CYTH1: variants seen among roughly 807,000 people sequenced by gnomAD.
CYTH1 encodes cytohesin 1, also known as cytohesin-1.
Under a neutral mutation model 61.8 loss-of-function variants are expected in CYTH1, and 18 were observed. The observed-to-expected ratio is 0.29, with a 90% CI of 0.20 to 0.43. CYTH1 has a LOEUF of 0.43. CYTH1 is among the 20% of genes least tolerant of loss of function. The pLI is 1.00. For missense variants in CYTH1, 336 were observed against 510.5 expected (o/e 0.66, Z 3.29); for synonymous variants, 174 against 184.3 (o/e 0.94, Z 0.45).
intron 13 of CYTH1, among the ~76,000 whole-genome samples, chr17:78,679,636 G>A (rs2092736888): frequency 6.6e-6 from 1 of 152,230 alleles, no homozygotes; most frequent in African/African-American, 2.4e-5. Context: ...GGAGCCAACA[G>A]AGCCGAGAGG....
chr17:78,737,870 T>C lies in CYTH1; in HGVS notation c.23-28138A>G, dbSNP rs551707819. 4.8e-4 allele frequency among the ~76,000 whole-genome samples: 44 copies of C among 91,646 alleles called. 1 individual carries two copies. The East Asian group carries it at 0.011, about 23-fold the overall frequency. The allele number at this position is 91,646 out of a possible 152,430, so 60.1% of individuals were successfully genotyped here. A position where few individuals can be genotyped will look rare whatever the true frequency, so the allele number is the denominator to read the frequency against. ...TTATATATATTCTCTCTCTCTTCTA[T>C]AGATACACACACACACACACACACA... On this transcript the variant is annotated intron_variant, in intron 1 of 13. Coordinates refer to ENST00000446868, the MANE Select transcript of CYTH1 (RefSeq NM_004762.6).
intron 12 of CYTH1, 33 bp downstream of exon 12, chr17:78,680,938 C>A: frequency 6.2e-7 from 1 of 1,607,566 alleles, no homozygotes; most frequent in Non-Finnish European, 8.5e-7. Context: ...CATCCCCTTT[C>A]TCCCCTCAAA....
chr17:78,758,503 G>A (rs1355084633), intron 1 of CYTH1, among the ~76,000 whole-genome samples: 3 of 152,140 alleles, frequency 2.0e-5, no homozygotes, highest in Non-Finnish European at 2.9e-5. Flanking sequence ...TCAGGAGTTC[G>A]AGACCAGCCT....
chr17:78,725,799 G>A (rs1219066184), intron 1 of CYTH1, among the ~76,000 whole-genome samples: 2 of 152,186 alleles, frequency 1.3e-5, no homozygotes, highest in African/African-American at 4.8e-5. Flanking sequence ...CAGACAACAT[G>A]AGAAAAGGAT....
intron 1 of CYTH1, among the ~76,000 whole-genome samples, chr17:78,746,674 G>A (rs1395549483): frequency 5.9e-5 from 9 of 152,180 alleles, no homozygotes; most frequent in Non-Finnish European, 1.3e-4. Context: ...AGGTGTGATG[G>A]CTCGTGCCTA....
chr17:78,711,713 T>G (rs1424338992), intron 1 of CYTH1, among the ~76,000 whole-genome samples: 2 of 152,116 alleles, frequency 1.3e-5, no homozygotes, highest in Non-Finnish European at 2.9e-5. Context: ...TTCCTTTTTT[T>G]TTTTTTTTAA....
chr17:78,768,706 A>G (rs908952945), intron 1 of CYTH1, among the ~76,000 whole-genome samples: 1 of 151,972 alleles, frequency 6.6e-6, no homozygotes, highest in Non-Finnish European at 1.5e-5. Flanking sequence ...CCTATCTCCA[A>G]AAATTCCTTA....
chr17:78,749,349 A>T (rs2093370702), intron 1 of CYTH1, among the ~76,000 whole-genome samples: 1 of 152,134 alleles, frequency 6.6e-6, no homozygotes, highest in East Asian at 1.9e-4. Context: ...AATCCCAGCT[A>T]CTCGGGAGGC....
At chr17:78,742,505 T>A (rs551614039) in intron 1 of CYTH1, among the ~76,000 whole-genome samples, 7 of 152,044 alleles carry the variant, frequency 4.6e-5, no homozygotes, top group African/African-American at 1.7e-4. Context: ...GAAGCCACAG[T>A]GAGCTATGAT....
At chr17:78,770,350 G>GAAAA (rs1410403374) in intron 1 of CYTH1, among the ~76,000 whole-genome samples, 1 of 95,066 alleles carries the variant, frequency 1.1e-5, no homozygotes, top group African/African-American at 3.7e-5. Flanking sequence ...GAAAAGAAAA[G>GAAAA]AAAAGAAAAA....
At chr17:78,710,538 G>A (rs1039765575) in intron 1 of CYTH1, among the ~76,000 whole-genome samples, 3 of 152,170 alleles carry the variant, frequency 2.0e-5, no homozygotes, top group Non-Finnish European at 4.4e-5. Context: ...AGCCATGTGG[G>A]CAAATGAGAA....
At chr17:78,707,824 G>C (rs1231086113) in intron 3 of CYTH1, among the ~76,000 whole-genome samples, 1 of 152,116 alleles carries the variant, frequency 6.6e-6, no homozygotes, top group East Asian at 1.9e-4. Context: ...GGGACTACAG[G>C]TGTGCACCAC....
At chr17:78,697,861 G>C (rs2092957591) in intron 9 of CYTH1, among the ~76,000 whole-genome samples, 1 of 152,184 alleles carries the variant, frequency 6.6e-6, no homozygotes. Flanking sequence ...AGGTGCTCAG[G>C]GAACTGCCTT....
chr17:78,708,082 T>A, intron 3 of CYTH1, 115 bp downstream of exon 3: 1 of 1,036,054 alleles, frequency 9.7e-7, no homozygotes. Context: ...CTTGCTAGAA[T>A]TAGAAAGACA....
At position 78,674,617 on chromosome 17, in the gene CYTH1, C is replaced by T. The variant is rs796204241; in HGVS notation, c.*1474G>A. On this transcript the variant is annotated 3_prime_UTR_variant, in exon 14 of 14. Transcript: ENST00000446868. ...GCCAACCCTAAAGGATCAGAGGAGC[C>T]GTGGCGACGCGGCCCTGTGAAAACC... 12 of 152,596 alleles carry T rather than the reference C, an allele frequency of 7.9e-5. No individual in the cohort carries two copies. Among genetic ancestry groups the T allele is most frequent in the African/African-American group, 2.9e-4 (12 of 41,604 alleles). 9.5% of individuals were successfully genotyped at this position (152,596 alleles called of 1,614,324 possible).
chr17:78,756,221 G>A (rs749312729), intron 1 of CYTH1, among the ~76,000 whole-genome samples: 5 of 151,484 alleles, frequency 3.3e-5, no homozygotes, highest in Middle Eastern at 6.8e-3. Context: ...GATTACAGGC[G>A]CCCACCACCA....
At chr17:78,692,372 G>C in intron 11 of CYTH1, 45 bp downstream of exon 11, 1 of 1,590,074 alleles carries the variant, frequency 6.3e-7, no homozygotes, top group Admixed American at 1.7e-5. Flanking sequence ...TGGAACCGGA[G>C]GCCTTGCCCA....
intron 1 of CYTH1, among the ~76,000 whole-genome samples, chr17:78,765,632 C>G (rs960656692): frequency 1.3e-5 from 2 of 152,064 alleles, no homozygotes; most frequent in Non-Finnish European, 2.9e-5. Context: ...ATTTTATTGT[C>G]AGTTTGCTGT....
chr17:78,728,828 A>G (rs149528187), intron 1 of CYTH1, among the ~76,000 whole-genome samples: 11 of 152,324 alleles, frequency 7.2e-5, no homozygotes, highest in African/African-American at 2.6e-4. Context: ...TTATTCAGTC[A>G]AGGGTGCTGA....
Sources: allele counts gnomAD v4.1 joint callset (sites outside exome capture counted in the v4.1 genomes callset), GRCh38; gene constraint gnomAD v4.1.1; transcripts MANE v1.5; gene names NCBI Gene and HGNC (gene_info 2026-07-23, HGNC 2026-07-21).